Variants in ASIP observed in about 807,000 individuals in gnomAD.
The protein encoded by ASIP is agouti signaling protein.
In ASIP, 11 loss-of-function variants were observed where a neutral mutation model predicts 10.3. That is an observed-to-expected ratio of 1.07 (90% CI 0.68 to 1.78). The LOEUF is 1.78. Ranked by LOEUF, ASIP falls within the 40% of genes most tolerant of loss-of-function variation. ASIP has a pLI of 0.00. For synonymous variants in ASIP, 70 were observed against 70.8 expected (o/e 0.99, Z 0.06); for missense variants, 180 against 169.2 (o/e 1.06, Z -0.35).
chr20:34,186,940 A>G, the ASIP span, among the ~76,000 whole-genome samples: 2 of 152,058 alleles, frequency 1.3e-5, no homozygotes, highest in Non-Finnish European at 2.9e-5. Context: ...CAGCCTCCTG[A>G]GTAGCTGGGA....
At chr20:34,254,009 GTTACA>G (rs2035527907) in intron 1 of ASIP, among the ~76,000 whole-genome samples, 2 of 152,156 alleles carry the variant, frequency 1.3e-5, no homozygotes, top group East Asian at 3.9e-4. Flanking sequence ...GAGAAACCCA[GTTACA>G]CAGCTACTCA....
At chr20:34,205,834 T>C (rs2034932951) in intron 1 of ASIP, among the ~76,000 whole-genome samples, 1 of 151,506 alleles carries the variant, frequency 6.6e-6, no homozygotes, top group East Asian at 1.9e-4. Context: ...AGAGCGCTGA[T>C]TGGTGCATTT....
chr20:34,246,060 A>C, intron 1 of ASIP: 1 of 892,910 alleles, frequency 1.1e-6, no homozygotes, highest in Non-Finnish European at 1.9e-6. Flanking sequence ...GAATAATTTC[A>C]TCCTCCCCAT....
At chr20:34,263,704 C>T (rs1413133978) in intron 3 of ASIP, among the ~76,000 whole-genome samples, 1 of 146,278 alleles carries the variant, frequency 6.8e-6, no homozygotes, top group Non-Finnish European at 1.5e-5. Context: ...TTTTCGCTCT[C>T]GTTGCCCAGG....
intron 1 of ASIP, among the ~76,000 whole-genome samples, chr20:34,200,049 C>G (rs773433622): frequency 1.8e-4 from 27 of 152,180 alleles, no homozygotes; most frequent in Non-Finnish European, 2.9e-4. Flanking sequence ...AAAGCAGTTT[C>G]TAATCTAATG....
chr20:34,262,798 C>T, intron 2 of ASIP, 34 bp from the exon 3 acceptor site: 1 of 1,612,870 alleles, frequency 6.2e-7, no homozygotes, highest in Non-Finnish European at 8.5e-7. Context: ...TCCCCAGAAA[C>T]ATCTGACTTT....
At chr20:34,215,547 C>T in intron 1 of ASIP, 2 of 1,510,048 alleles carry the variant, frequency 1.3e-6, no homozygotes. Context: ...GTGAGATATT[C>T]TGCAACAAAA....
At chr20:34,227,911 G>A (rs1049804183) in intron 1 of ASIP, among the ~76,000 whole-genome samples, 1 of 152,192 alleles carries the variant, frequency 6.6e-6, no homozygotes, top group Non-Finnish European at 1.5e-5. Context: ...TATAAAGATA[G>A]ACAAGTCAGT....
At chr20:34,252,612 G>A (rs1294705735) in intron 1 of ASIP, among the ~76,000 whole-genome samples, 4 of 152,110 alleles carry the variant, frequency 2.6e-5, no homozygotes, top group African/African-American at 9.7e-5. Flanking sequence ...TCCCAGGGAG[G>A]AGCAGGAGAC....
At chr20:34,195,959 A>G (rs2034852803) in intron 1 of ASIP, among the ~76,000 whole-genome samples, 1 of 152,034 alleles carries the variant, frequency 6.6e-6, no homozygotes, top group Non-Finnish European at 1.5e-5. Context: ...TGCTTCTTTG[A>G]GACAGCCTGC....
intron 1 of ASIP, chr20:34,213,933 T>C: frequency 6.3e-7 from 1 of 1,575,630 alleles, no homozygotes; most frequent in Non-Finnish European, 8.6e-7. Flanking sequence ...CTAGAGAGGC[T>C]TGCCTTTCTT....
At chr20:34,193,432 CT>C (rs376572089), upstream of ASIP, among the ~76,000 whole-genome samples, 290 of 146,432 alleles carry the variant, frequency 2.0e-3, 1 homozygote, top group African/African-American at 4.7e-3. Flanking sequence ...TTTCTTCCAT[CT>C]TTTTTTTTTT....
chr20:34,216,308 C>G (rs950063846), intron 1 of ASIP, among the ~76,000 whole-genome samples: 7 of 152,356 alleles, frequency 4.6e-5, no homozygotes, highest in East Asian at 3.9e-4. Flanking sequence ...GAGTAGGTGC[C>G]GCGCGGGCGG....
chr20:34,254,496 T>G (rs916907185), intron 1 of ASIP, among the ~76,000 whole-genome samples: 1 of 152,248 alleles, frequency 6.6e-6, no homozygotes, highest in Non-Finnish European at 1.5e-5. Context: ...TATAAGGTTT[T>G]GTTCCCCCTT....
At chr20:34,208,843 G>T (rs370366877) in intron 1 of ASIP, among the ~76,000 whole-genome samples, 49 of 152,062 alleles carry the variant, frequency 3.2e-4, no homozygotes, top group Non-Finnish European at 1.2e-4. Flanking sequence ...TTCTTTGGTC[G>T]TTTATGCCTA....
At chr20:34,189,899 G>T (rs2034814910), upstream of ASIP, among the ~76,000 whole-genome samples, 1 of 152,190 alleles carries the variant, frequency 6.6e-6, no homozygotes, top group Non-Finnish European at 1.5e-5. Flanking sequence ...TGTCTTCCCA[G>T]TTGGGAAGAC....
At chr20:34,215,528 G>A in intron 1 of ASIP, 1 of 1,524,286 alleles carries the variant, frequency 6.6e-7, no homozygotes. Context: ...AAAAAACTTG[G>A]GCCACTTAGT....
upstream of ASIP, among the ~76,000 whole-genome samples, chr20:34,239,406 G>A (rs1319169267): frequency 3.3e-5 from 5 of 151,966 alleles, no homozygotes; most frequent in South Asian, 2.1e-4. Flanking sequence ...TAGTAGAGAC[G>A]GGGTATCACC....
upstream of ASIP, among the ~76,000 whole-genome samples, chr20:34,193,570 C>T (rs1238329231): frequency 1.3e-5 from 2 of 152,134 alleles, no homozygotes; most frequent in Non-Finnish European, 2.9e-5. Context: ...ATGGGTAATA[C>T]AGGATCTGCA....
Sources: allele counts gnomAD v4.1 joint callset (sites outside exome capture counted in the v4.1 genomes callset), GRCh38; gene constraint gnomAD v4.1.1; transcripts MANE v1.5; gene names NCBI Gene and HGNC (gene_info 2026-07-23, HGNC 2026-07-21).